ACBD6: variants seen among roughly 807,000 people sequenced by gnomAD.
ACBD6 encodes acyl-CoA-binding domain-containing protein 6.
A neutral mutation model predicts 37.2 loss-of-function variants in ACBD6; 28 were observed. The ratio of observed to expected loss-of-function variants is 0.75; its 90% CI spans 0.56 to 1.03. The LOEUF is 1.03. ACBD6 is among the 50% of genes least tolerant of loss of function. ACBD6 has a pLI of 0.00. For missense variants in ACBD6, 340 were observed against 337.4 expected (o/e 1.01, Z -0.06); for synonymous variants, 113 against 126.8 (o/e 0.89, Z 0.73).
At chr1:180,359,428 TGAG>T (rs1652760648) in intron 6 of ACBD6, among the ~76,000 whole-genome samples, 1 of 152,114 alleles carries the variant, frequency 6.6e-6, no homozygotes, top group Non-Finnish European at 1.5e-5. Flanking sequence ...AAAATAGCTT[TGAG>T]GATGACATGA....
At chr1:180,443,038 T>C (rs551380938) in intron 3 of ACBD6, among the ~76,000 whole-genome samples, 5 of 152,342 alleles carry the variant, frequency 3.3e-5, no homozygotes, top group African/African-American at 9.6e-5. Context: ...AGACCTGTAT[T>C]GTAAGCAAGG....
At chr1:180,308,335 AT>A (rs1160068697) in intron 7 of ACBD6, among the ~76,000 whole-genome samples, 2 of 152,052 alleles carry the variant, frequency 1.3e-5, no homozygotes, top group African/African-American at 4.8e-5. Flanking sequence ...ACTCAAGTGT[AT>A]TTTGTAATTT....
Position 180,502,068 on chromosome 1 carries a change from A to T in ACBD6, c.199T>A (p.Tyr67Asn), listed in dbSNP as rs750251585. ...IQVASREQLL[Y>N]LYARYKQVKV... ...ACCTGTTTGTACCTGGCATACAGGTACAAGAGCTGCTCCCTGCTGGCCACC... is the reference window on the plus strand; with the variant it reads ...ACCTGTTTGTACCTGGCATACAGGTTCAAGAGCTGCTCCCTGCTGGCCACC... The change falls in exon 1 of 8, where the codon TAC becomes AAC. Residue 67 changes from tyrosine (Y) to asparagine (N), a missense_variant. Coordinates refer to ENST00000367595, the MANE Select transcript of ACBD6 (RefSeq NM_032360.4). The T allele has an allele frequency of 3.1e-6, 5 of 1,613,824 alleles. No homozygotes were observed. The highest frequency in any genetic ancestry group is 1.6e-4 in the Middle Eastern group (1 of 6,062).
chr1:180,438,146 G>A (rs1011651608), intron 3 of ACBD6, among the ~76,000 whole-genome samples: 4 of 152,144 alleles, frequency 2.6e-5, no homozygotes, highest in South Asian at 2.1e-4. Context: ...TCTAGGTTAC[G>A]CACTCCTTAT....
intron 3 of ACBD6, among the ~76,000 whole-genome samples, chr1:180,445,443 T>TC (rs1649437665): frequency 6.6e-6 from 1 of 152,210 alleles, no homozygotes; most frequent in Admixed American, 6.5e-5. Flanking sequence ...GCTTATACTA[T>TC]CCAACTTCCA....
chr1:180,370,470 G>A (rs1653220507), intron 6 of ACBD6, among the ~76,000 whole-genome samples: 2 of 152,090 alleles, frequency 1.3e-5, no homozygotes, highest in Non-Finnish European at 2.9e-5. Context: ...TGAAGAAACA[G>A]AAAACATGGT....
At chr1:180,441,703 T>A (rs1274092867) in intron 3 of ACBD6, among the ~76,000 whole-genome samples, 1 of 152,226 alleles carries the variant, frequency 6.6e-6, no homozygotes, top group East Asian at 1.9e-4. Flanking sequence ...AAGAACACAA[T>A]GATTTCTGCA....
chr1:180,441,741 A>G lies in ACBD6; in HGVS notation c.385-11479T>C, dbSNP rs376468722. 2.6e-5 allele frequency among the ~76,000 whole-genome samples: 4 copies of G among 152,208 alleles called. No individual in the cohort carries two copies. In the East Asian group the frequency reaches 5.8e-4, roughly 22 times the overall value. ...CTGATCTTATGATCTTATATCTTGTAACTTTGCTGAATTAACATACTAACT... is the reference window on the plus strand; with the variant it reads ...CTGATCTTATGATCTTATATCTTGTGACTTTGCTGAATTAACATACTAACT... On this transcript the variant is annotated intron_variant, in intron 3 of 7. Transcript: ENST00000367595.
chr1:180,422,607 A>C (rs548843450), intron 4 of ACBD6, among the ~76,000 whole-genome samples: 1 of 152,288 alleles, frequency 6.6e-6, no homozygotes, highest in East Asian at 1.9e-4. Flanking sequence ...ATACGTATTA[A>C]GCAATTCAAC....
intron 7 of ACBD6, among the ~76,000 whole-genome samples, chr1:180,310,398 T>C (rs1650540190): frequency 6.6e-6 from 1 of 152,294 alleles, no homozygotes; most frequent in Non-Finnish European, 1.5e-5. Context: ...TAGAGGCCTA[T>C]TTATAGACAG....
intron 4 of ACBD6, among the ~76,000 whole-genome samples, chr1:180,415,783 A>C (rs779747995): frequency 4.6e-5 from 7 of 152,222 alleles, no homozygotes; most frequent in Non-Finnish European, 8.8e-5. Context: ...ATACCGTTGT[A>C]AGCAGTAAAA....
At chr1:180,437,382 G>C in intron 3 of ACBD6, among the ~76,000 whole-genome samples, 1 of 152,188 alleles carries the variant, frequency 6.6e-6, no homozygotes, top group Admixed American at 6.5e-5. Flanking sequence ...TAGGCACCTA[G>C]TGTCAGAACT....
At chr1:180,318,486 T>C (rs1228754355) in intron 6 of ACBD6, among the ~76,000 whole-genome samples, 1 of 152,160 alleles carries the variant, frequency 6.6e-6, no homozygotes, top group Middle Eastern at 3.2e-3. Context: ...GGGGGTTTTA[T>C]CTTTGAAAAA....
chr1:180,459,145 G>C (rs1232262993), intron 3 of ACBD6, among the ~76,000 whole-genome samples: 6 of 152,104 alleles, frequency 3.9e-5, no homozygotes, highest in Non-Finnish European at 7.4e-5. Context: ...AGACAATCTG[G>C]TAGTCTAACA....
At chr1:180,402,322 A>G (rs1348712674) in intron 5 of ACBD6, among the ~76,000 whole-genome samples, 2 of 152,210 alleles carry the variant, frequency 1.3e-5, no homozygotes, top group African/African-American at 4.8e-5. Flanking sequence ...TCTCAAGATT[A>G]TACCTAGCAT....
chr1:180,451,525 C>T (rs1649705886), intron 3 of ACBD6, among the ~76,000 whole-genome samples: 1 of 152,052 alleles, frequency 6.6e-6, no homozygotes, highest in African/African-American at 2.4e-5. Flanking sequence ...CATATCCATA[C>T]AATAGAATAC....
intron 6 of ACBD6, among the ~76,000 whole-genome samples, chr1:180,382,457 A>G (rs1025174742): frequency 6.6e-6 from 1 of 152,168 alleles, no homozygotes; most frequent in African/African-American, 2.4e-5. Flanking sequence ...AAACCTAGAG[A>G]AAATGGGTAA....
At chr1:180,312,081 A>G (rs1650615542) in intron 7 of ACBD6, among the ~76,000 whole-genome samples, 1 of 152,166 alleles carries the variant, frequency 6.6e-6, no homozygotes, top group Non-Finnish European at 1.5e-5. Flanking sequence ...TATCTTCCAT[A>G]TGAATTTTAG....
chr1:180,376,682 A>G (rs1161755669), intron 6 of ACBD6, among the ~76,000 whole-genome samples: 1 of 152,212 alleles, frequency 6.6e-6, no homozygotes, highest in Admixed American at 6.5e-5. Flanking sequence ...TCAGAAACAA[A>G]GGAGACTGGT....
Sources: allele counts gnomAD v4.1 joint callset (sites outside exome capture counted in the v4.1 genomes callset), GRCh38; gene constraint gnomAD v4.1.1; transcripts MANE v1.5; gene names NCBI Gene and HGNC (gene_info 2026-07-23, HGNC 2026-07-21).